The following PCDHB10 variants were observed in gnomAD, a reference collection of about 807,000 sequenced individuals.
PCDHB10 encodes the protein protocadherin beta-10.
For missense variants in PCDHB10, 1,046 were observed against 1,004.7 expected (o/e 1.04, Z -0.56); for synonymous variants, 448 against 449.2 (o/e 1.00, Z 0.04).
rs782135691 is a variant in PCDHB10 at position 141,193,096 on chromosome 5, A to G, written c.544A>G (p.Ile182Val). Reference sequence around the variant, plus strand: ...CCCCAACTCTTTTTTCCATATTAACATTAGTGGCGGTGATGAAGGCATGAT... The same window carrying G: ...CCCCAACTCTTTTTTCCATATTAACGTTAGTGGCGGTGATGAAGGCATGAT... Reference protein sequence around the residue: ...ISPNSFFHINISGGDEGMIYP... With the variant: ...ISPNSFFHINVSGGDEGMIYP... The change falls in exon 1 of 1, where the codon ATT becomes GTT. Residue 182 changes from isoleucine (I) to valine (V), a missense_variant. Transcript: ENST00000239446. 1.7e-5 allele frequency: 28 copies of G among 1,613,930 alleles called. 1 individual carries two copies. Among genetic ancestry groups the G allele is most frequent in the South Asian group, 1.6e-4 (15 of 91,068 alleles).
At position 141,193,574 on chromosome 5, in the gene PCDHB10, A is replaced by G. The variant is rs143001276; in HGVS notation, c.1022A>G (p.Asn341Ser). Reference protein sequence around the residue: ...CRVLVEVLDTNDNPPELIVSS... With the variant: ...CRVLVEVLDTSDNPPELIVSS... The stretch of plus-strand genomic sequence containing the variant: ...GTTTTAGTGGAAGTATTGGACACCA[A>G]TGACAATCCCCCTGAACTGATCGTA... Residue 341 changes from asparagine to serine, a missense_variant, in exon 1 of 1, where the codon AAT (asparagine) becomes AGT (serine). Coordinates refer to ENST00000239446, the MANE Select transcript of PCDHB10 (RefSeq NM_018930.4). The G allele has an allele frequency of 5.6e-5, 91 of 1,614,038 alleles. No homozygotes were observed. In the East Asian group the frequency reaches 1.1e-3, roughly 19 times the overall value.
chr5:141,193,786 G>C lies in PCDHB10; in HGVS notation c.1234G>C (p.Glu412Gln). ...ILITEGALDR[E>Q]IRAEYNITIT... ...AATTACAGAAGGCGCGCTGGACAGA[G>C]AGATCAGAGCCGAGTACAACATCAC... Residue 412 changes from glutamate to glutamine, a missense_variant, in exon 1 of 1, where the codon GAG becomes CAG. Glu to Gln is a conservative substitution (Grantham distance 29, BLOSUM62 2). Transcript: ENST00000239446. The C allele has an allele frequency of 1.2e-6, 2 of 1,614,196 alleles. No individual in the cohort carries two copies. Among genetic ancestry groups the C allele is most frequent in the Non-Finnish European group, 1.7e-6 (2 of 1,180,038 alleles).
chr5:141,192,387 G>A lies in PCDHB10; in HGVS notation c.-166G>A, dbSNP rs893842875. ...GCAAGTCACTAATAAAGGAAGACAC[G>A]GACAGATGAACTTAAAAGAGAAGCT... On this transcript the variant is annotated 5_prime_UTR_variant, in exon 1 of 1. Coordinates refer to ENST00000239446, the MANE Select transcript of PCDHB10 (RefSeq NM_018930.4). 9.6e-6 allele frequency: 8 copies of A among 829,224 alleles called. No homozygotes were observed. The highest frequency in any genetic ancestry group is 3.3e-4 in the Middle Eastern group (1 of 3,002). 51.4% of individuals were successfully genotyped at this position (829,224 alleles called of 1,614,324 possible).
chr5:141,194,673 G>A lies in PCDHB10; in HGVS notation c.2121G>A (p.Val707=). The A allele has an allele frequency of 6.2e-7, 1 of 1,606,242 alleles. No individual in the cohort carries two copies. Among genetic ancestry groups the A allele is most frequent in the South Asian group, 1.1e-5 (1 of 90,862 alleles). Residue 707 remains valine, a synonymous_variant, in exon 1 of 1, where the codon GTG becomes GTA. Coordinates refer to ENST00000239446, the MANE Select transcript of PCDHB10 (RefSeq NM_018930.4). ...TGTCTTCGCTCTTCCTCCTCTCGGTGCTCCTGTTCGTGGCGGTGCGGCTGT... is the reference window on the plus strand; with the variant it reads ...TGTCTTCGCTCTTCCTCCTCTCGGTACTCCTGTTCGTGGCGGTGCGGCTGT... The part of the protein sequence containing the change: ...ASVSSLFLLS[V]LLFVAVRLCR...
In PCDHB10 at chr5:141,192,732, T is replaced by C. The variant is rs782012732; in HGVS notation, c.180T>C (p.Ala60=). 6.2e-6 allele frequency: 10 copies of C among 1,611,652 alleles called. No individual in the cohort carries two copies. Among genetic ancestry groups the C allele is most frequent in the Non-Finnish European group, 7.6e-6 (9 of 1,178,498 alleles). ...KDLGLAEGEL[A]ARGTRVVSDD... Reference sequence around the variant, plus strand: ...TGGGACTAGCAGAGGGGGAGCTGGCTGCAAGGGGAACCAGGGTGGTTTCCG... The same window carrying C: ...TGGGACTAGCAGAGGGGGAGCTGGCCGCAAGGGGAACCAGGGTGGTTTCCG... Residue 60 remains alanine, a synonymous_variant, in exon 1 of 1, where the codon GCT becomes GCC. Coordinates refer to ENST00000239446, the MANE Select transcript of PCDHB10 (RefSeq NM_018930.4).
chr5:141,195,470 A>G lies in PCDHB10; in HGVS notation c.*515A>G, dbSNP rs183370830. The G allele has an allele frequency of 5.4e-3, 895 of 167,158 alleles. 5 individuals carry two copies. Among genetic ancestry groups the G allele is most frequent in the South Asian group, 6.8e-3 (33 of 4,824 alleles). The allele number at this position is 167,158 out of a possible 1,614,324, so 10.4% of individuals were successfully genotyped here. A position where few individuals can be genotyped will look rare whatever the true frequency, so the allele number is the denominator to read the frequency against. On this transcript the variant is annotated 3_prime_UTR_variant, in exon 1 of 1. Transcript: ENST00000239446. ...ATTGTGAGCAATACTGAACATCAAT[A>G]ATACCCTTAGTTTATATACTTATTA... is the stretch of plus-strand genomic sequence containing the variant.
At position 141,193,521 on chromosome 5, in the gene PCDHB10, C is replaced by T. The variant is rs199921937; in HGVS notation, c.969C>T (p.Asp323=). The T allele has an allele frequency of 1.9e-5, 31 of 1,614,034 alleles. No individual in the cohort carries two copies. Among genetic ancestry groups the T allele is most frequent in the Non-Finnish European group, 2.5e-5 (29 of 1,180,000 alleles). The change falls in exon 1 of 1, where the codon GAC becomes GAT. Residue 323 remains aspartate, a synonymous_variant. Transcript: ENST00000239446. ...NSYKINIQAM[D]GGGLSARCRV... ...ACAAAATAAATATACAGGCAATGGA[C>T]GGTGGAGGCCTTTCTGCAAGATGTA... is the stretch of plus-strand genomic sequence containing the variant.
In PCDHB10 at chr5:141,194,987, T is replaced by C; in HGVS notation, c.*32T>C. ...TTTTTAGTTTCATATACTTTTGGTG[T>C]GTTACATAGCCATGTTTCTATTAGT... On this transcript the variant is annotated 3_prime_UTR_variant, in exon 1 of 1. Coordinates refer to ENST00000239446, the MANE Select transcript of PCDHB10 (RefSeq NM_018930.4). The C allele has an allele frequency of 2.6e-6, 4 of 1,543,378 alleles. No individual in the cohort carries two copies. The highest frequency in any genetic ancestry group is 1.3e-5 in the South Asian group (1 of 79,182).
chr5:141,195,064 C>T lies in PCDHB10; in HGVS notation c.*109C>T. On this transcript the variant is annotated 3_prime_UTR_variant, in exon 1 of 1. Transcript: ENST00000239446. ...ATTATGCAACTTCAAGCATTATTTT[C>T]AAGTAGTATACCCCTGTGGTTTTAC... 8.4e-7 allele frequency: 1 copy of T among 1,190,906 alleles called. No homozygotes were observed. The highest frequency in any genetic ancestry group is 1.2e-6 in the Non-Finnish European group (1 of 858,946). 73.8% of individuals were successfully genotyped at this position (1,190,906 alleles called of 1,614,324 possible). A position where few individuals can be genotyped will look rare whatever the true frequency, so the allele number is the denominator to read the frequency against.
At position 141,194,470 on chromosome 5, in the gene PCDHB10, C is replaced by T; in HGVS notation, c.1918C>T (p.Leu640Phe). ...LSERDAAKHR[L>F]VVLVKDNGEP... ...CGAGCGCGACGCAGCCAAGCACAGG[C>T]TCGTGGTGCTTGTCAAGGACAATGG... Residue 640 changes from leucine to phenylalanine, a missense_variant, in exon 1 of 1, where the codon CTC (leucine) becomes TTC (phenylalanine). By Grantham distance (22) the Leu-to-Phe change is conservative. Transcript: ENST00000239446. 1.2e-6 allele frequency: 2 copies of T among 1,600,236 alleles called. No individual in the cohort carries two copies. Among genetic ancestry groups the T allele is most frequent in the Non-Finnish European group, 1.7e-6 (2 of 1,178,320 alleles).
In PCDHB10 at chr5:141,193,596, C is replaced by T. The variant is rs962663675; in HGVS notation, c.1044C>T (p.Ile348=). ...LDTNDNPPEL[I]VSSFSNSVAE... is the part of the protein sequence containing the mutation. Reference sequence around the variant, plus strand: ...CCAATGACAATCCCCCTGAACTGATCGTATCATCATTTTCCAACTCTGTTG... The same window carrying T: ...CCAATGACAATCCCCCTGAACTGATTGTATCATCATTTTCCAACTCTGTTG... Residue 348 remains isoleucine, a synonymous_variant, in exon 1 of 1, where the codon ATC becomes ATT. Coordinates refer to ENST00000239446, the MANE Select transcript of PCDHB10 (RefSeq NM_018930.4). 1 of 1,614,080 alleles carries T rather than the reference C, an allele frequency of 6.2e-7. No individual in the cohort carries two copies. Among genetic ancestry groups the T allele is most frequent in the Non-Finnish European group, 8.5e-7 (1 of 1,180,010 alleles).
rs782503860 is a variant in PCDHB10, at chr5:141,193,728, A to G, written c.1176A>G (p.Leu392=). 6.2e-6 allele frequency: 10 copies of G among 1,614,142 alleles called. No homozygotes were observed. Among genetic ancestry groups the G allele is most frequent in the Non-Finnish European group, 5.1e-6 (6 of 1,180,024 alleles). Residue 392 remains leucine (L), a synonymous_variant, in exon 1 of 1, where the codon CTA becomes CTG. Transcript: ENST00000239446. The stretch of plus-strand genomic sequence containing the variant: ...ACATTCAAGAGAATCTGCCATTCCT[A>G]CTAAAACCTTCTGTGGAGAATTTTT... ...VCYIQENLPF[L]LKPSVENFYI... is the part of the protein sequence containing the mutation.
rs1281549748 is a variant in PCDHB10 at position 141,194,298 on chromosome 5, G to A, written c.1746G>A (p.Pro582=). ...CTELVPRAAE[P]GYLVTKVVAV... ...AGCTGGTGCCCCGGGCGGCCGAGCC[G>A]GGCTACCTGGTGACCAAGGTGGTGG... Residue 582 remains proline, a synonymous_variant, in exon 1 of 1, where the codon CCG becomes CCA. Coordinates refer to ENST00000239446, the MANE Select transcript of PCDHB10 (RefSeq NM_018930.4). The A allele has an allele frequency of 6.2e-7, 1 of 1,603,672 alleles. No individual in the cohort carries two copies. The highest frequency in any genetic ancestry group is 2.2e-5 in the East Asian group (1 of 44,558).
Position 141,193,450 on chromosome 5 carries a change from G to A in PCDHB10, c.898G>A (p.Glu300Lys). 6.2e-7 allele frequency: 1 copy of A among 1,614,000 alleles called. No homozygotes were observed. Among genetic ancestry groups the A allele is most frequent in the Non-Finnish European group, 8.5e-7 (1 of 1,179,966 alleles). ...CTTTCAAATCAATCCTTTTTCTGGG[G>A]AAATCTTTCTCAGAGAATTGCTTGA... ...TTFQINPFSG[E>K]IFLRELLDYE... The change falls in exon 1 of 1, where the codon GAA becomes AAA. Residue 300 changes from glutamate (E) to lysine (K), a missense_variant. Physicochemically the swap from Glu to Lys is moderately conservative, Grantham distance 56 (BLOSUM62 1). Transcript: ENST00000239446.
Position 141,192,665 on chromosome 5 carries a change from A to C in PCDHB10, c.113A>C (p.Glu38Ala). 6.2e-7 allele frequency: 1 copy of C among 1,613,918 alleles called. No homozygotes were observed. ...SGFGRYSVTE[E>A]TEKGSFVVNL... ...TTTGGACGTTATTCGGTGACTGAGG[A>C]AACAGAGAAAGGATCCTTTGTGGTC... The change falls in exon 1 of 1, where the codon GAA becomes GCA. Residue 38 changes from glutamate (E) to alanine (A), a missense_variant. Coordinates refer to ENST00000239446, the MANE Select transcript of PCDHB10 (RefSeq NM_018930.4).
Position 141,193,079 on chromosome 5 carries a change from C to CT in PCDHB10, c.533dup (p.His179ProfsTer3), listed in dbSNP as rs782800693. 1.9e-6 allele frequency: 3 copies of CT among 1,614,176 alleles called. No individual in the cohort carries two copies. In the South Asian group the frequency reaches 3.3e-5, roughly 18 times the overall value. On this transcript the variant is annotated frameshift_variant, in exon 1 of 1. Coordinates refer to ENST00000239446, the MANE Select transcript of PCDHB10 (RefSeq NM_018930.4). LOFTEE classifies it low-confidence loss of function (END_TRUNC). ...CAAAACTACACGATCAGCCCCAACT[C>CT]TTTTTTCCATATTAACATTAGTGGC...
rs782231337 is a variant in PCDHB10 at position 141,194,589 on chromosome 5, C to T, written c.2037C>T (p.Ala679=). ...PYLPLPEAAP[A]QAQAEADLLT... ...TGCCTCTCCCGGAGGCGGCCCCGGC[C>T]CAGGCCCAGGCCGAGGCCGACTTGC... The change falls in exon 1 of 1, where the codon GCC becomes GCT. Residue 679 remains alanine (A), a synonymous_variant. Coordinates refer to ENST00000239446, the MANE Select transcript of PCDHB10 (RefSeq NM_018930.4). The T allele has an allele frequency of 6.5e-7, 1 of 1,549,324 alleles. No individual in the cohort carries two copies. Among genetic ancestry groups the T allele is most frequent in the South Asian group, 1.1e-5 (1 of 88,100 alleles).
chr5:141,193,875 C>G lies in PCDHB10; in HGVS notation c.1323C>G (p.Val441=), dbSNP rs371043432. The change falls in exon 1 of 1, where the codon GTC becomes GTG. Residue 441 remains valine, a synonymous_variant. Coordinates refer to ENST00000239446, the MANE Select transcript of PCDHB10 (RefSeq NM_018930.4). ...LKTEHNITVL[V]SDVNDNAPAF... The stretch of plus-strand genomic sequence containing the variant: ...CCGAGCACAACATAACGGTCCTGGT[C>G]TCCGACGTCAATGACAACGCCCCCG... 7 of 1,613,974 alleles carry G rather than the reference C, an allele frequency of 4.3e-6. No individual in the cohort carries two copies. The Admixed American group carries it at 5.0e-5, about 12-fold the overall frequency.
Position 141,194,282 on chromosome 5 carries a change from CCCGGGCGGCCGAGCCGGGCTA to C in PCDHB10, c.1733_1753del (p.Arg578_Tyr584del), listed in dbSNP as rs1554284371. 1.2e-6 allele frequency: 2 copies of C among 1,605,120 alleles called. No individual in the cohort carries two copies. The highest frequency in any genetic ancestry group is 2.2e-5 in the South Asian group (2 of 90,774). On this transcript the variant is annotated inframe_deletion, in exon 1 of 1. Transcript: ENST00000239446. ...TCCGCGCCCTGCACCGAGCTGGTGC[CCCGGGCGGCCGAGCCGGGCTA>C]CCTGGTGACCAAGGTGGTGGCGGTG...
Sources: gnomAD v4.1 joint callset for allele counts on GRCh38, gnomAD v4.1.1 for gene constraint, MANE v1.5 for transcripts, NCBI Gene and HGNC (gene_info 2026-07-23, HGNC 2026-07-21) for gene names.